DOCK3: variants seen among roughly 807,000 people sequenced by gnomAD.
DOCK3 encodes the protein dedicator of cytokinesis protein 3.
In DOCK3, 60 loss-of-function variants were observed where a neutral mutation model predicts 265.6. The observed-to-expected ratio is 0.23, with a 90% CI of 0.18 to 0.28. The LOEUF (loss-of-function observed/expected upper bound fraction) is 0.28. DOCK3 is among the 10% of genes least tolerant of loss of function. DOCK3 has a pLI of 1.00. For synonymous variants in DOCK3, 881 were observed against 938.0 expected, an observed-to-expected ratio of 0.94 and a Z score of 1.11; for missense variants, 1,981 against 2,594.3, an observed-to-expected ratio of 0.76 and a Z score of 5.14.
Position 51,357,758 on chromosome 3 carries a change from GC to G in DOCK3, c.4686del (p.Phe1563SerfsTer35). 1 of 1,613,982 alleles carries G rather than the reference GC, an allele frequency of 6.2e-7. No homozygotes were observed. The highest frequency in any genetic ancestry group is 8.5e-7 in the Non-Finnish European group (1 of 1,179,882). ...CCTGACTTGGCCTTTCCTTTCACAG[GC>G]CTTCTTTGATAAAGATTACATCAAC... ...VNGGIARYQEAFFDKDYINKH... is the reference protein window; with the variant it reads ...VNGGIARYQEXFFDKDYINKH... On this transcript the variant is annotated frameshift_variant and splice_region_variant, in exon 45 of 53. Coordinates refer to ENST00000266037, the MANE Select transcript of DOCK3 (RefSeq NM_004947.5). LOFTEE classifies it high-confidence loss of function.
At chr3:50,719,427 C>G in intron 1 of DOCK3, 1 of 622,946 alleles carries the variant, frequency 1.6e-6, no homozygotes, top group Admixed American at 2.4e-5. Flanking sequence ...GGGGTGCTCT[C>G]CTGAGCTACG....
chr3:51,358,766 A>G (rs926711498), intron 46 of DOCK3, among the ~76,000 whole-genome samples: 1 of 152,202 alleles, frequency 6.6e-6, no homozygotes, highest in Non-Finnish European at 1.5e-5. Context: ...CAGCCTCCAC[A>G]GTAGGGTTTG....
intron 5 of DOCK3, among the ~76,000 whole-genome samples, chr3:50,956,518 T>TA (rs1351762689): frequency 6.6e-6 from 1 of 152,250 alleles, no homozygotes; most frequent in Non-Finnish European, 1.5e-5. Context: ...ATTATACCAC[T>TA]ACATACTTTT....
chr3:50,730,958 G>A (rs1195162755), intron 1 of DOCK3, among the ~76,000 whole-genome samples: 4 of 151,642 alleles, frequency 2.6e-5, no homozygotes, highest in East Asian at 1.9e-4. Context: ...GTGAAACCCC[G>A]TCTCTGCTAA....
chr3:51,204,103 G>A (rs1401448654), intron 12 of DOCK3, among the ~76,000 whole-genome samples: 3 of 145,960 alleles, frequency 2.1e-5, no homozygotes, highest in Non-Finnish European at 4.5e-5. Flanking sequence ...ACATAGGCAT[G>A]GGCAAGGACT....
chr3:50,946,049 G>A (rs925389604), intron 5 of DOCK3, among the ~76,000 whole-genome samples: 2 of 136,654 alleles, frequency 1.5e-5, no homozygotes, highest in African/African-American at 5.5e-5. Context: ...CTATGATTGA[G>A]CTACTTTGCT....
At chr3:51,100,819 G>A (rs1355996491) in intron 9 of DOCK3, among the ~76,000 whole-genome samples, 2 of 149,124 alleles carry the variant, frequency 1.3e-5, no homozygotes, top group South Asian at 2.1e-4. Flanking sequence ...TTTTGAGATA[G>A]GATCTTGCCC....
intron 4 of DOCK3, among the ~76,000 whole-genome samples, chr3:50,905,240 T>C (rs893704497): frequency 2.0e-5 from 3 of 152,148 alleles, no homozygotes; most frequent in East Asian, 1.9e-4. Flanking sequence ...GTCTTGGCAA[T>C]GTGGGCCCTT....
At chr3:50,818,542 A>C (rs1047294582) in intron 2 of DOCK3, among the ~76,000 whole-genome samples, 4 of 152,212 alleles carry the variant, frequency 2.6e-5, no homozygotes, top group African/African-American at 9.7e-5. Flanking sequence ...TGCCTACAAG[A>C]AGTGCATGTC....
chr3:51,160,234 T>G (rs1189857210), intron 11 of DOCK3, among the ~76,000 whole-genome samples: 1 of 152,244 alleles, frequency 6.6e-6, no homozygotes, highest in Non-Finnish European at 1.5e-5. Context: ...AAGTTTAAAT[T>G]TATTATTAGC....
At chr3:50,816,313 T>G (rs1051029622) in intron 2 of DOCK3, among the ~76,000 whole-genome samples, 1 of 144,688 alleles carries the variant, frequency 6.9e-6, no homozygotes, top group African/African-American at 2.5e-5. Flanking sequence ...TTTTTTCTGT[T>G]CTTGTAACTC....
intron 12 of DOCK3, among the ~76,000 whole-genome samples, chr3:51,201,686 C>T (rs974487217): frequency 6.6e-6 from 1 of 152,174 alleles, no homozygotes; most frequent in Non-Finnish European, 1.5e-5. Context: ...TAGACATCTA[C>T]AGAACTCTCC....
chr3:51,040,939 A>G (rs1328529060), intron 5 of DOCK3, among the ~76,000 whole-genome samples: 1 of 151,650 alleles, frequency 6.6e-6, no homozygotes, highest in Non-Finnish European at 1.5e-5. Flanking sequence ...CCATATCTGC[A>G]ATCACTTTCA....
intron 5 of DOCK3, among the ~76,000 whole-genome samples, chr3:50,972,760 T>C (rs181473382): frequency 7.2e-4 from 109 of 152,340 alleles, no homozygotes; most frequent in African/African-American, 2.4e-3. Flanking sequence ...TATGCTGTTA[T>C]ATTGGTTATG....
intron 22 of DOCK3, among the ~76,000 whole-genome samples, chr3:51,255,342 G>A (rs1489793141): frequency 2.0e-5 from 3 of 152,156 alleles, no homozygotes; most frequent in Admixed American, 2.0e-4. Flanking sequence ...ACAGTTATGT[G>A]TCTTGGAGTT....
At chr3:51,276,322 C>G in intron 25 of DOCK3, 7 of 981,378 alleles carry the variant, frequency 7.1e-6, no homozygotes, top group Non-Finnish European at 8.5e-6. Flanking sequence ...AGAGAAGCCA[C>G]ACCAAGCACA....
intron 17 of DOCK3, 77 bp from the exon 18 acceptor site, chr3:51,228,584 G>T: frequency 6.7e-7 from 1 of 1,495,218 alleles, no homozygotes; most frequent in Non-Finnish European, 9.0e-7. Context: ...GCAAGTATCA[G>T]CCCAGAAATT....
chr3:50,892,789 T>G (rs1350193680), intron 4 of DOCK3, among the ~76,000 whole-genome samples: 2 of 151,922 alleles, frequency 1.3e-5, no homozygotes, highest in Non-Finnish European at 2.9e-5. Flanking sequence ...GGGAGCAATA[T>G]CCCATCATTT....
chr3:50,769,971 A>G (rs2041177781), intron 1 of DOCK3, among the ~76,000 whole-genome samples: 1 of 152,130 alleles, frequency 6.6e-6, no homozygotes, highest in Admixed American at 6.5e-5. Flanking sequence ...AACTATTAAA[A>G]CTAAGAAATG....
Sources: allele counts gnomAD v4.1 joint callset (sites outside exome capture counted in the v4.1 genomes callset), GRCh38; gene constraint gnomAD v4.1.1; transcripts MANE v1.5; gene names NCBI Gene and HGNC (gene_info 2026-07-23, HGNC 2026-07-21).